Variants in SOS1 observed in about 807,000 individuals in gnomAD.
SOS1 encodes SOS Ras/Rac guanine nucleotide exchange factor 1.
A neutral mutation model predicts 157.6 loss-of-function variants in SOS1; 25 were observed. The observed-to-expected ratio is 0.16, with a 90% CI of 0.12 to 0.22. The LOEUF (loss-of-function observed/expected upper bound fraction) is 0.22. Ranked by LOEUF, SOS1 falls within the 10% of genes least tolerant of loss-of-function variation. The pLI is 1.00. For synonymous variants in SOS1, 528 were observed against 534.0 expected, an observed-to-expected ratio of 0.99 and a Z score of 0.16; for missense variants, 1,237 against 1,599.1, an observed-to-expected ratio of 0.77 and a Z score of 3.86.
At chr2:39,046,709 C>G (rs145340962) in intron 6 of SOS1, among the ~76,000 whole-genome samples, 2,957 of 152,082 alleles carry the variant, frequency 0.019, 34 homozygotes, top group Middle Eastern at 0.034. Flanking sequence ...CACCATATTG[C>G]CCAGGCTGGT....
At chr2:39,078,541 C>T (rs567104356) in intron 1 of SOS1, among the ~76,000 whole-genome samples, 1 of 152,176 alleles carries the variant, frequency 6.6e-6, no homozygotes, top group South Asian at 2.1e-4. Flanking sequence ...AGCAGCCTAC[C>T]GGGGAGCATT....
At position 38,985,100 on chromosome 2, in the gene SOS1, C is replaced by A. The variant is rs932033505; in HGVS notation, c.*724G>T. 6.6e-6 allele frequency: 1 copy of A among 152,124 alleles called. No homozygotes were observed. The highest frequency in any genetic ancestry group is 1.5e-5 in the Non-Finnish European group (1 of 68,028). 9.4% of individuals were successfully genotyped at this position (152,124 alleles called of 1,614,324 possible). A position where few individuals can be genotyped will look rare whatever the true frequency, so the allele number is the denominator to read the frequency against. ...CTTCTGTCATGTTAATGACACAAAA[C>A]TTCTCTTTTTTGAAGGCAACACCAC... On this transcript the variant is annotated 3_prime_UTR_variant, in exon 23 of 23. Coordinates refer to ENST00000402219, the MANE Select transcript of SOS1 (RefSeq NM_005633.4).
At chr2:39,067,578 C>G (rs781646789) in intron 2 of SOS1, 50 bp downstream of exon 2, 1 of 1,556,108 alleles carries the variant, frequency 6.4e-7, no homozygotes, top group Non-Finnish European at 8.9e-7. Context: ...GACATTACAA[C>G]CAACACACAA....
chr2:39,012,531 T>C lies in SOS1; in HGVS notation c.2168-183A>G, dbSNP rs184608890. On this transcript the variant is annotated intron_variant, in intron 13 of 22. Coordinates refer to ENST00000402219, the MANE Select transcript of SOS1 (RefSeq NM_005633.4). ...TTCCCGGTCCCCAATCCTAATCTTA[T>C]TCTTCTTCATTTGGGTAACCACTGT... 2.6e-5 allele frequency among the ~76,000 whole-genome samples: 4 copies of C among 152,290 alleles called. No homozygotes were observed. In the East Asian group the frequency reaches 7.7e-4, roughly 29 times the overall value.
intron 22 of SOS1, 33 bp downstream of exon 22, chr2:38,987,434 ATGATTC>A: frequency 1.9e-6 from 2 of 1,039,948 alleles, no homozygotes; most frequent in Non-Finnish European, 3.0e-6. Flanking sequence ...ATGAACTGTA[ATGATTC>A]CAATTTCTAC....
chr2:39,022,436 G>C (rs1669827240), intron 10 of SOS1, 134 bp downstream of exon 10: 1 of 690,800 alleles, frequency 1.4e-6, no homozygotes, highest in Non-Finnish European at 2.6e-6. Context: ...TATAAAGTGG[G>C]GTATTTTTAG....
intron 1 of SOS1, among the ~76,000 whole-genome samples, chr2:39,071,213 A>G (rs1671781008): frequency 6.6e-6 from 1 of 152,082 alleles, no homozygotes; most frequent in Non-Finnish European, 1.5e-5. Context: ...TACACCCACA[A>G]TCCTGTTGCT....
intron 15 of SOS1, among the ~76,000 whole-genome samples, chr2:39,009,239 A>C (rs374561006): frequency 9.8e-4 from 150 of 152,296 alleles, no homozygotes; most frequent in African/African-American, 3.6e-3. Context: ...GGATAAGCTC[A>C]ATAGTATATT....
chr2:39,027,292 T>TA (rs1164375697), intron 8 of SOS1, among the ~76,000 whole-genome samples: 1 of 152,224 alleles, frequency 6.6e-6, no homozygotes, highest in Non-Finnish European at 1.5e-5. Flanking sequence ...ATTTATCTAC[T>TA]ATTTAACTGT....
At chr2:39,116,683 A>T (rs373884583) in intron 1 of SOS1, among the ~76,000 whole-genome samples, 1 of 152,212 alleles carries the variant, frequency 6.6e-6, no homozygotes, top group East Asian at 1.9e-4. Context: ...CAGCCTGGTG[A>T]AACCCCATCT....
intron 5 of SOS1, among the ~76,000 whole-genome samples, chr2:39,053,603 C>G (rs1671097638): frequency 6.6e-6 from 1 of 152,134 alleles, no homozygotes; most frequent in Admixed American, 6.5e-5. Flanking sequence ...ATAGCTTGAG[C>G]CCAATCCCAG....
At chr2:39,039,815 C>T (rs1426296330) in intron 6 of SOS1, among the ~76,000 whole-genome samples, 1 of 152,122 alleles carries the variant, frequency 6.6e-6, no homozygotes. Context: ...TCAGCTATTA[C>T]CTCCCAATCC....
At chr2:39,065,940 A>T (rs1012397461) in intron 2 of SOS1, among the ~76,000 whole-genome samples, 9 of 152,212 alleles carry the variant, frequency 5.9e-5, no homozygotes, top group African/African-American at 2.2e-4. Flanking sequence ...ATGAAATGTA[A>T]AGTATGGAAG....
At position 39,120,434 on chromosome 2, in the gene SOS1, G is replaced by A; in HGVS notation, c.-12C>T. On this transcript the variant is annotated 5_prime_UTR_variant, in exon 1 of 23. Transcript: ENST00000402219. The stretch of plus-strand genomic sequence containing the variant: ...TGCTGCGCCTGCATGGTGCCCCCGG[G>A]GCGCCTCTGGGCGGGGAGAGGGGCG... 6.4e-7 allele frequency: 1 copy of A among 1,572,002 alleles called. No individual in the cohort carries two copies. Among genetic ancestry groups the A allele is most frequent in the South Asian group, 1.1e-5 (1 of 87,262 alleles).
upstream of SOS1, among the ~76,000 whole-genome samples, chr2:39,123,958 G>C (rs567156452): frequency 2.2e-4 from 34 of 152,298 alleles, no homozygotes; most frequent in South Asian, 6.2e-4. Flanking sequence ...CTAGAAACAT[G>C]GGTTACAGCC....
chr2:39,070,385 T>C (rs1671755521), intron 1 of SOS1, among the ~76,000 whole-genome samples: 1 of 152,174 alleles, frequency 6.6e-6, no homozygotes, highest in African/African-American at 2.4e-5. Context: ...CTCTATTCAA[T>C]TTCTTCCCTA....
At chr2:39,123,357 T>TC (rs1420968544), upstream of SOS1, among the ~76,000 whole-genome samples, 1 of 152,034 alleles carries the variant, frequency 6.6e-6, no homozygotes, top group Non-Finnish European at 1.5e-5. Context: ...AACAATCTTT[T>TC]TTTTTTTTTT....
intron 1 of SOS1, among the ~76,000 whole-genome samples, chr2:39,070,716 A>G (rs1572870014): frequency 6.6e-6 from 1 of 152,194 alleles, no homozygotes; most frequent in South Asian, 2.1e-4. Context: ...TTTCACTTAG[A>G]TGTAGTCCTA....
intron 1 of SOS1, among the ~76,000 whole-genome samples, chr2:39,073,885 C>T (rs1032404269): frequency 4.6e-5 from 7 of 152,066 alleles, no homozygotes; most frequent in African/African-American, 1.5e-4. Context: ...AGATCTGTTA[C>T]TTTTATTTAA....
Sources: gnomAD v4.1 joint callset for allele counts (sites outside exome capture counted in the v4.1 genomes callset) on GRCh38, gnomAD v4.1.1 for gene constraint, MANE v1.5 for transcripts, NCBI Gene and HGNC (gene_info 2026-07-23, HGNC 2026-07-21) for gene names.